HEATR5A: variants seen among roughly 807,000 people sequenced by gnomAD.
HEATR5A encodes the protein HEAT repeat-containing protein 5A.
Under a neutral mutation model 218.8 loss-of-function variants are expected in HEATR5A, and 178 were observed. The ratio of observed to expected loss-of-function variants is 0.81; its 90% CI spans 0.72 to 0.92. The LOEUF (loss-of-function observed/expected upper bound fraction) is 0.92, where lower values mean the gene tolerates loss of function less well. Ranked by LOEUF, HEATR5A falls within the 40% of genes least tolerant of loss-of-function variation. The pLI is 0.00. For missense variants in HEATR5A, 2,420 were observed against 2,418.9 expected, an observed-to-expected ratio of 1.00 and a Z score of -0.01; for synonymous variants, 864 against 871.6, an observed-to-expected ratio of 0.99 and a Z score of 0.15.
intron 21 of HEATR5A, among the ~76,000 whole-genome samples, chr14:31,338,279 T>C (rs1900731442): frequency 6.6e-6 from 1 of 152,222 alleles, no homozygotes; most frequent in South Asian, 2.1e-4. Flanking sequence ...ATTATTAGTG[T>C]GGTCTTTTAA....
At chr14:31,420,023 C>G (rs1212897758) in intron 1 of HEATR5A, 2 of 152,258 alleles carry the variant, frequency 1.3e-5, no homozygotes, top group Non-Finnish European at 2.9e-5. Flanking sequence ...CCTGGCTGAC[C>G]ACTGGCGCAG....
intron 32 of HEATR5A, among the ~76,000 whole-genome samples, chr14:31,304,385 C>A (rs1899485852): frequency 6.6e-6 from 1 of 152,150 alleles, no homozygotes; most frequent in Admixed American, 6.6e-5. Flanking sequence ...CATAGAAGAG[C>A]ATATCTATAA....
chr14:31,379,510 A>G (rs1392221955), intron 11 of HEATR5A, among the ~76,000 whole-genome samples: 1 of 152,128 alleles, frequency 6.6e-6, no homozygotes, highest in Non-Finnish European at 1.5e-5. Context: ...TCAGCCTCCC[A>G]AAGTGCGGGG....
chr14:31,359,593 G>A (rs1013424670), intron 14 of HEATR5A, among the ~76,000 whole-genome samples: 1 of 151,522 alleles, frequency 6.6e-6, no homozygotes, highest in Non-Finnish European at 1.5e-5. Flanking sequence ...CGGGCGTGGT[G>A]GCAGGTGCCT....
chr14:31,296,301 A>G (rs975923973), intron 33 of HEATR5A: 1 of 378,668 alleles, frequency 2.6e-6, no homozygotes, highest in Non-Finnish European at 4.7e-6. Flanking sequence ...ATAAATACAT[A>G]CATTTACTAG....
intron 12 of HEATR5A, among the ~76,000 whole-genome samples, chr14:31,372,162 G>A (rs901953499): frequency 6.6e-6 from 1 of 151,026 alleles, no homozygotes; most frequent in Non-Finnish European, 1.5e-5. Flanking sequence ...GCTGTTCTAG[G>A]GTTTTACTTT....
intron 8 of HEATR5A, 127 bp from the exon 9 acceptor site, chr14:31,386,702 G>C: frequency 1.3e-6 from 1 of 748,168 alleles, no homozygotes; most frequent in Non-Finnish European, 2.1e-6. Flanking sequence ...AAATACTTGA[G>C]GCAATAACTA....
intron 14 of HEATR5A, among the ~76,000 whole-genome samples, chr14:31,362,867 T>C (rs933996929): frequency 3.9e-5 from 6 of 152,042 alleles, no homozygotes; most frequent in South Asian, 2.1e-4. Flanking sequence ...TAAATGTTTA[T>C]TGAAGAGTTG....
intron 31 of HEATR5A, among the ~76,000 whole-genome samples, chr14:31,306,032 G>A (rs2139137813): frequency 6.6e-6 from 1 of 152,304 alleles, no homozygotes; most frequent in Admixed American, 6.5e-5. Context: ...TTCTTTCCAT[G>A]CACGTTGGTA....
rs769202350 is a variant in HEATR5A at position 31,302,294 on chromosome 14, C to G, written c.5464+1G>C. ...AACTGCTTCCAAATAGCCTCAATTA[C>G]CTGGATCCCAACAGTCAAGAATTGT... On this transcript the variant is annotated splice_donor_variant, in intron 33 of 35. Coordinates refer to ENST00000543095, the MANE Select transcript of HEATR5A (RefSeq NM_015473.4). LOFTEE classifies it high-confidence loss of function. 2.5e-6 allele frequency: 4 copies of G among 1,581,018 alleles called. No individual in the cohort carries two copies. Among genetic ancestry groups the G allele is most frequent in the Admixed American group, 1.8e-5 (1 of 54,962 alleles).
chr14:31,393,087 A>G lies in HEATR5A; in HGVS notation c.772+965T>C, dbSNP rs139537536. 8.5e-5 allele frequency among the ~76,000 whole-genome samples: 13 copies of G among 152,358 alleles called. No homozygotes were observed. In the East Asian group the frequency reaches 2.5e-3, roughly 29 times the overall value. On this transcript the variant is annotated intron_variant, in intron 6 of 35. Transcript: ENST00000543095. Reference sequence around the variant, plus strand: ...TCTACATTATATGCTCCATTGTACCAATCTAAAAAATGGCAAGCCAAATAT... The same window carrying G: ...TCTACATTATATGCTCCATTGTACCGATCTAAAAAATGGCAAGCCAAATAT...
chr14:31,343,017 G>T (rs1285230544), intron 21 of HEATR5A, among the ~76,000 whole-genome samples: 2 of 152,048 alleles, frequency 1.3e-5, no homozygotes, highest in African/African-American at 2.4e-5. Context: ...AAGCCATGGT[G>T]CCAATTTATA....
chr14:31,319,950 G>T (rs1900036589), intron 25 of HEATR5A, among the ~76,000 whole-genome samples: 1 of 152,096 alleles, frequency 6.6e-6, no homozygotes, highest in Admixed American at 6.6e-5. Context: ...AGGTTGCAGT[G>T]AGCCAAAATC....
intron 24 of HEATR5A, 25 bp downstream of exon 24, chr14:31,323,537 TTGG>T: frequency 2.6e-6 from 4 of 1,542,166 alleles, no homozygotes; most frequent in Non-Finnish European, 3.5e-6. Flanking sequence ...CACATATCAT[TTGG>T]TGTTTTCATC....
At chr14:31,408,321 A>G (rs1367049491) in intron 1 of HEATR5A, among the ~76,000 whole-genome samples, 1 of 152,234 alleles carries the variant, frequency 6.6e-6, no homozygotes, top group Non-Finnish European at 1.5e-5. Context: ...AATTTTACTT[A>G]AAGTTTTCCC....
chr14:31,398,545 T>C lies in HEATR5A; in HGVS notation c.447+128A>G. ...ACAGTGCATCACCTAGAAATATTAA[T>C]TTATGGGTACATTTATATTCATATC... is the stretch of plus-strand genomic sequence containing the variant. On this transcript the variant is annotated intron_variant, in intron 4 of 35. Coordinates refer to ENST00000543095, the MANE Select transcript of HEATR5A (RefSeq NM_015473.4). 4 of 560,122 alleles carry C rather than the reference T, an allele frequency of 7.1e-6. No individual in the cohort carries two copies. The South Asian group carries it at 1.1e-4, about 16-fold the overall frequency. The allele number at this position is 560,122 out of a possible 1,614,324, so 34.7% of individuals were successfully genotyped here. A position where few individuals can be genotyped will look rare whatever the true frequency, so the allele number is the denominator to read the frequency against.
intron 13 of HEATR5A, 87 bp from the exon 14 acceptor site, chr14:31,364,385 A>C: frequency 1.6e-6 from 1 of 627,890 alleles, no homozygotes; most frequent in Non-Finnish European, 2.8e-6. Context: ...TAACATATAA[A>C]TTAGCTATGT....
intron 10 of HEATR5A, among the ~76,000 whole-genome samples, chr14:31,381,421 G>A (rs1237369887): frequency 6.6e-6 from 1 of 152,010 alleles, no homozygotes; most frequent in Non-Finnish European, 1.5e-5. Flanking sequence ...AGTGGCTCAT[G>A]CCTGTAATCC....
chr14:31,398,753 A>G lies in HEATR5A; in HGVS notation c.367T>C (p.Tyr123His), dbSNP rs1456768341. The G allele has an allele frequency of 6.5e-7, 1 of 1,531,780 alleles. No individual in the cohort carries two copies. Among genetic ancestry groups the G allele is most frequent in the Admixed American group, 2.0e-5 (1 of 50,968 alleles). 94.9% of individuals were successfully genotyped at this position (1,531,780 alleles called of 1,614,324 possible). ...LAAVVCLGSL[Y>H]KKLGRILGNT... Reference sequence around the variant, plus strand: ...CCCAGTATTCTACCCAACTTCTTGTACAAGGAACCCAAACATACCACAGCA... The same window carrying G: ...CCCAGTATTCTACCCAACTTCTTGTGCAAGGAACCCAAACATACCACAGCA... The change falls in exon 4 of 36, where the codon TAC becomes CAC. Residue 123 changes from tyrosine (Y) to histidine (H), a missense_variant. Coordinates refer to ENST00000543095, the MANE Select transcript of HEATR5A (RefSeq NM_015473.4).
Sources: allele counts gnomAD v4.1 joint callset (sites outside exome capture counted in the v4.1 genomes callset), GRCh38; gene constraint gnomAD v4.1.1; transcripts MANE v1.5; gene names NCBI Gene and HGNC (gene_info 2026-07-23, HGNC 2026-07-21).